Variants in TCF12 observed in about 807,000 individuals in gnomAD.
TCF12 encodes DNA-binding protein HTF4.
In TCF12, 45 loss-of-function variants were observed where a neutral mutation model predicts 86.0. The observed-to-expected ratio is 0.52, with a 90% CI of 0.41 to 0.67. The LOEUF (loss-of-function observed/expected upper bound fraction) is 0.67, where lower values mean the gene tolerates loss of function less well. TCF12 is among the 30% of genes least tolerant of loss of function. The probability of loss-of-function intolerance (pLI) is 0.00; values close to 1 mark genes in which losing one functional copy is unlikely to be tolerated. For missense variants in TCF12, 881 were observed against 859.9 expected, an observed-to-expected ratio of 1.02 and a Z score of -0.31; for synonymous variants, 330 against 299.6, an observed-to-expected ratio of 1.10 and a Z score of -1.05.
intron 18 of TCF12, among the ~76,000 whole-genome samples, chr15:57,264,156 G>A (rs1020097938): frequency 1.7e-5 from 2 of 119,872 alleles, no homozygotes; most frequent in African/African-American, 6.8e-5. Context: ...ACATTATATA[G>A]CTATACAAAA....
At chr15:57,010,841 T>C (rs1186232757) in intron 3 of TCF12, among the ~76,000 whole-genome samples, 1 of 152,220 alleles carries the variant, frequency 6.6e-6, no homozygotes, top group Non-Finnish European at 1.5e-5. Context: ...TCAGATGTTC[T>C]TGGTGTTGTA....
chr15:56,994,176 A>C (rs2063586027), intron 3 of TCF12, among the ~76,000 whole-genome samples: 1 of 152,160 alleles, frequency 6.6e-6, no homozygotes, highest in South Asian at 2.1e-4. Flanking sequence ...AATCAATAGA[A>C]ATTTTTAAAT....
chr15:57,218,752 TTAAG>T (rs1450049016), intron 8 of TCF12, among the ~76,000 whole-genome samples: 1 of 152,238 alleles, frequency 6.6e-6, no homozygotes, highest in Non-Finnish European at 1.5e-5. Context: ...ATCTGTATTA[TTAAG>T]TGTTTCCATT....
chr15:57,290,357 AAAAAG>A (rs2062058460), downstream of TCF12, among the ~76,000 whole-genome samples: 1 of 151,956 alleles, frequency 6.6e-6, no homozygotes, highest in Non-Finnish European at 1.5e-5. Flanking sequence ...AAAAAAAAAA[AAAAAG>A]AGTGAGCCAG....
chr15:57,010,691 G>A (rs1167152699), intron 3 of TCF12, among the ~76,000 whole-genome samples: 3 of 152,256 alleles, frequency 2.0e-5, no homozygotes, highest in African/African-American at 7.2e-5. Context: ...AACAGCTCCA[G>A]GGTGAGTGAG....
chr15:56,952,999 C>G (rs2140466566), intron 3 of TCF12, among the ~76,000 whole-genome samples: 1 of 151,852 alleles, frequency 6.6e-6, no homozygotes, highest in Non-Finnish European at 1.5e-5. Context: ...TTTATAGTAC[C>G]TTGTATTAAA....
intron 3 of TCF12, among the ~76,000 whole-genome samples, chr15:57,014,744 G>C (rs1462575987): frequency 1.3e-5 from 2 of 152,054 alleles, no homozygotes; most frequent in African/African-American, 4.8e-5. Flanking sequence ...CTGCAGGGTT[G>C]ACAGTCAGGT....
chr15:57,105,952 C>T (rs574675856), intron 5 of TCF12, among the ~76,000 whole-genome samples: 125 of 152,236 alleles, frequency 8.2e-4, no homozygotes, highest in African/African-American at 3.0e-3. Flanking sequence ...GGATAAAAAG[C>T]AGATCACATG....
chr15:57,239,244 G>A (rs1409199684), intron 12 of TCF12, among the ~76,000 whole-genome samples: 1 of 152,048 alleles, frequency 6.6e-6, no homozygotes, highest in African/African-American at 2.4e-5. Flanking sequence ...CCAGCTAGTC[G>A]GGAGGCTGGG....
chr15:57,025,893 G>A (rs1478275913), intron 3 of TCF12, among the ~76,000 whole-genome samples: 1 of 152,206 alleles, frequency 6.6e-6, no homozygotes, highest in Non-Finnish European at 1.5e-5. Context: ...CATACTTTAA[G>A]AGGGTCACTC....
intron 4 of TCF12, 49 bp from the exon 5 acceptor site, chr15:57,091,740 G>A (rs763481317): frequency 2.0e-5 from 28 of 1,392,086 alleles, no homozygotes; most frequent in East Asian, 9.2e-5. Flanking sequence ...CTCAATTAGC[G>A]GGACTGCCAA....
At chr15:56,948,140 G>C (rs183236572) in intron 3 of TCF12, among the ~76,000 whole-genome samples, 1 of 148,146 alleles carries the variant, frequency 6.8e-6, no homozygotes, top group Non-Finnish European at 1.5e-5. Flanking sequence ...TTTATTTTTT[G>C]AGATGGGATC....
intron 3 of TCF12, among the ~76,000 whole-genome samples, chr15:56,981,612 A>T (rs1193023641): frequency 2.0e-5 from 3 of 152,172 alleles, no homozygotes; most frequent in Non-Finnish European, 2.9e-5. Flanking sequence ...TTTGAACAAC[A>T]TGGGGGTTAG....
chr15:57,052,510 G>T (rs1486262536), intron 3 of TCF12, among the ~76,000 whole-genome samples: 2 of 151,886 alleles, frequency 1.3e-5, no homozygotes, highest in Non-Finnish European at 2.9e-5. Flanking sequence ...GGTAGTGGGT[G>T]CCTGTAATCC....
chr15:57,045,230 A>G (rs1480073858), intron 3 of TCF12, among the ~76,000 whole-genome samples: 17 of 152,200 alleles, frequency 1.1e-4, no homozygotes, highest in African/African-American at 3.4e-4. Context: ...CCTTTTCACA[A>G]AAGGAACTGG....
chr15:57,013,824 A>G (rs1313404638), intron 3 of TCF12, among the ~76,000 whole-genome samples: 1 of 152,248 alleles, frequency 6.6e-6, no homozygotes, highest in African/African-American at 2.4e-5. Context: ...TGCATAAGAT[A>G]TAATTTGGAT....
chr15:57,069,346 A>AT (rs1203918959), intron 4 of TCF12, among the ~76,000 whole-genome samples: 2 of 152,266 alleles, frequency 1.3e-5, no homozygotes, highest in East Asian at 3.9e-4. Context: ...TATGGTAGTT[A>AT]TTTTTTTAAA....
At chr15:56,929,534 A>G (rs1201121770) in intron 3 of TCF12, among the ~76,000 whole-genome samples, 1 of 152,164 alleles carries the variant, frequency 6.6e-6, no homozygotes, top group South Asian at 2.1e-4. Context: ...GTTCCAGGTT[A>G]AAAATGTGCT....
At chr15:57,253,237 C>T (rs763961300) in intron 15 of TCF12, 25 bp from the exon 16 acceptor site, 22 of 1,610,294 alleles carry the variant, frequency 1.4e-5, no homozygotes, top group East Asian at 8.9e-5. Flanking sequence ...CAATAACCAC[C>T]ATGTTTTTTT....
Sources: allele counts gnomAD v4.1 joint callset (sites outside exome capture counted in the v4.1 genomes callset), GRCh38; gene constraint gnomAD v4.1.1; transcripts MANE v1.5; gene names NCBI Gene and HGNC (gene_info 2026-07-23, HGNC 2026-07-21).